ELAVL4: variants seen among roughly 807,000 people sequenced by gnomAD.
ELAVL4 encodes ELAV like RNA binding protein 4, also known as ELAV-like protein 4.
In ELAVL4, 1 loss-of-function variant was observed where a neutral mutation model predicts 35.6. The ratio of observed to expected loss-of-function variants is 0.03; its 90% CI spans 0.01 to 0.13. The LOEUF (loss-of-function observed/expected upper bound fraction) is 0.13. ELAVL4 is among the 10% of genes least tolerant of loss of function. The pLI is 1.00. For synonymous variants in ELAVL4, 156 were observed against 171.0 expected, an observed-to-expected ratio of 0.91 and a Z score of 0.69; for missense variants, 267 against 464.9, an observed-to-expected ratio of 0.57 and a Z score of 3.91.
At chr1:50,149,542 CT>C (rs754451042) in intron 2 of ELAVL4, among the ~76,000 whole-genome samples, 311 of 126,454 alleles carry the variant, frequency 2.5e-3, no homozygotes, top group South Asian at 7.7e-3. Flanking sequence ...ATGCATTGTC[CT>C]TTTTTTTTTT....
intron 3 of ELAVL4, chr1:50,181,299 A>G (rs1384477397): frequency 6.6e-6 from 1 of 152,222 alleles, no homozygotes; most frequent in Admixed American, 6.5e-5. Context: ...CAAACAAATG[A>G]ATTGTGTGTC....
chr1:50,123,010 A>ATATCTGG (rs1018776290), intron 1 of ELAVL4, among the ~76,000 whole-genome samples: 4 of 152,080 alleles, frequency 2.6e-5, no homozygotes, highest in Non-Finnish European at 5.9e-5. Flanking sequence ...AAAGAGCTGA[A>ATATCTGG]TATCTGGTGA....
At chr1:50,151,640 G>A (rs1347428377) in intron 2 of ELAVL4, among the ~76,000 whole-genome samples, 1 of 152,186 alleles carries the variant, frequency 6.6e-6, no homozygotes, top group East Asian at 1.9e-4. Context: ...GAAGAGTACA[G>A]CAAATGGTAG....
chr1:50,104,251 A>T (rs75477051), upstream of ELAVL4, among the ~76,000 whole-genome samples: 3,662 of 152,320 alleles, frequency 0.024, 118 homozygotes, highest in African/African-American at 0.084. Context: ...TTACCTTGAG[A>T]TAAACACTCT....
chr1:50,143,207 A>G (rs1275844903), intron 1 of ELAVL4, among the ~76,000 whole-genome samples: 1 of 152,180 alleles, frequency 6.6e-6, no homozygotes, highest in Non-Finnish European at 1.5e-5. Context: ...CACTTTGTAA[A>G]CATTCTTTGT....
intron 1 of ELAVL4, among the ~76,000 whole-genome samples, chr1:50,131,779 A>G (rs1427689340): frequency 6.6e-6 from 1 of 151,986 alleles, no homozygotes; most frequent in African/African-American, 2.4e-5. Flanking sequence ...ACAGAGCAAG[A>G]CTCTGTCTCA....
At chr1:50,142,102 CT>C (rs1440200025) in intron 1 of ELAVL4, among the ~76,000 whole-genome samples, 14 of 152,206 alleles carry the variant, frequency 9.2e-5, no homozygotes, top group African/African-American at 3.4e-4. Flanking sequence ...GCGTGGCAAG[CT>C]TTTTATTCCA....
Position 50,165,931 on chromosome 1 carries a change from C to T in ELAVL4, c.251-11158C>T, listed in dbSNP as rs1370979335. Reference sequence around the variant, plus strand: ...AGCTGAGGAGCAAGGAGAGCCAGTTCGAGTTCCCAAACAGAAGAACTTGGA... The same window carrying T: ...AGCTGAGGAGCAAGGAGAGCCAGTTTGAGTTCCCAAACAGAAGAACTTGGA... On this transcript the variant is annotated intron_variant, in intron 2 of 6. Transcript: ENST00000371824. 2.6e-5 allele frequency among the ~76,000 whole-genome samples: 4 copies of T among 151,938 alleles called. No homozygotes were observed. The East Asian group carries it at 5.8e-4, about 22-fold the overall frequency.
At chr1:50,114,259 G>A (rs1477447065) in intron 1 of ELAVL4, among the ~76,000 whole-genome samples, 1 of 151,974 alleles carries the variant, frequency 6.6e-6, no homozygotes, top group African/African-American at 2.4e-5. Context: ...TGGGCAGGAT[G>A]TTTTTCTTTG....
At chr1:50,091,918 G>A (rs1194325705) in intron 1 of ELAVL4, among the ~76,000 whole-genome samples, 1 of 152,100 alleles carries the variant, frequency 6.6e-6, no homozygotes, top group Non-Finnish European at 1.5e-5. Flanking sequence ...TATGCAAGAT[G>A]AGTACCCAAA....
At chr1:50,181,237 G>T (rs551901237) in intron 3 of ELAVL4, 12 of 152,334 alleles carry the variant, frequency 7.9e-5, no homozygotes, top group Admixed American at 7.2e-4. Flanking sequence ...TGTGTATTTG[G>T]CTCTGTGCAC....
chr1:50,145,798 CTTTGAGA>C (rs1244809331), intron 2 of ELAVL4, among the ~76,000 whole-genome samples: 1 of 152,192 alleles, frequency 6.6e-6, no homozygotes, highest in Non-Finnish European at 1.5e-5. Context: ...TGAAGATACT[CTTTGAGA>C]TGTGAGGGCA....
At chr1:50,192,519 GCACACACACACA>G (rs5774068) in intron 3 of ELAVL4, among the ~76,000 whole-genome samples, 90 of 140,444 alleles carry the variant, frequency 6.4e-4, no homozygotes, top group South Asian at 6.4e-3. Flanking sequence ...TTGTGTGCAC[GCACACACACACA>G]CACACACACA....
chr1:50,118,018 G>T (rs1668250021), intron 1 of ELAVL4, among the ~76,000 whole-genome samples: 1 of 152,040 alleles, frequency 6.6e-6, no homozygotes, highest in South Asian at 2.1e-4. Context: ...AAACGATGAA[G>T]ATAAAATTAA....
intron 1 of ELAVL4, among the ~76,000 whole-genome samples, chr1:50,091,242 C>T (rs954544112): frequency 3.3e-5 from 5 of 152,170 alleles, no homozygotes; most frequent in African/African-American, 7.2e-5. Context: ...CCTGGCTGCT[C>T]GCCACCTTCT....
intron 3 of ELAVL4, among the ~76,000 whole-genome samples, chr1:50,186,487 C>G (rs1219688649): frequency 1.3e-5 from 2 of 152,080 alleles, no homozygotes; most frequent in Non-Finnish European, 2.9e-5. Flanking sequence ...AAATATACTG[C>G]TGTGTATCTT....
intron 1 of ELAVL4, among the ~76,000 whole-genome samples, chr1:50,116,413 CGT>C (rs753845198): frequency 0.022 from 3,204 of 142,970 alleles, 36 homozygotes; most frequent in African/African-American, 0.045. Flanking sequence ...TGTGTGTGTG[CGT>C]GTGTGTGTGT....
Position 50,109,160 on chromosome 1 carries a change from C to T in ELAVL4, c.-30C>T. ...GCAAATTTTAACAGAAGAGTCGAAG[C>T]TCTGCGAGACCCAATATTTGCCAAT... On this transcript the variant is annotated 5_prime_UTR_variant, in exon 1 of 7. Coordinates refer to ENST00000371824, the MANE Select transcript of ELAVL4 (RefSeq NM_001144774.3). 10 of 1,608,358 alleles carry T rather than the reference C, an allele frequency of 6.2e-6. No homozygotes were observed. The highest frequency in any genetic ancestry group is 1.1e-5 in the South Asian group (1 of 89,640).
intron 1 of ELAVL4, among the ~76,000 whole-genome samples, chr1:50,057,814 T>C (rs1663758686): frequency 6.6e-6 from 1 of 152,196 alleles, no homozygotes; most frequent in African/African-American, 2.4e-5. Flanking sequence ...AAGCAACACG[T>C]GACTGTACTA....
Sources: allele counts gnomAD v4.1 joint callset (sites outside exome capture counted in the v4.1 genomes callset), GRCh38; gene constraint gnomAD v4.1.1; transcripts MANE v1.5; gene names NCBI Gene and HGNC (gene_info 2026-07-23, HGNC 2026-07-21).